Variants in NDST2 observed in about 807,000 individuals in gnomAD.
The protein encoded by NDST2 is bifunctional heparan sulfate N-deacetylase/N-sulfotransferase 2.
Under a neutral mutation model 86.9 loss-of-function variants are expected in NDST2, and 32 were observed. The observed-to-expected ratio is 0.37, with a 90% CI of 0.28 to 0.49. The LOEUF is 0.49. Ranked by LOEUF, NDST2 falls within the 20% of genes least tolerant of loss-of-function variation. The probability of loss-of-function intolerance (pLI) is 0.97; values close to 1 mark genes in which losing one functional copy is unlikely to be tolerated. For synonymous variants in NDST2, 409 were observed against 437.0 expected (o/e 0.94, Z 0.80); for missense variants, 950 against 1,146.9 (o/e 0.83, Z 2.48).
chr10:73,811,188 G>A (rs1172883609), intron 1 of NDST2, among the ~76,000 whole-genome samples: 1 of 152,106 alleles, frequency 6.6e-6, no homozygotes, highest in South Asian at 2.1e-4. Flanking sequence ...CGCACCGGAT[G>A]TGGGACACCA....
intron 9 of NDST2, among the ~76,000 whole-genome samples, chr10:73,804,280 C>G (rs1043165017): frequency 1.3e-5 from 2 of 152,148 alleles, no homozygotes; most frequent in Non-Finnish European, 2.9e-5. Context: ...GGTTAGGAAT[C>G]ACTGCCTCAA....
rs2084003752 is a variant in NDST2 at position 73,802,472 on chromosome 10, C to T, written c.2631G>A (p.Leu877=). 2.5e-6 allele frequency: 4 copies of T among 1,613,290 alleles called. No homozygotes were observed. Among genetic ancestry groups the T allele is most frequent in the South Asian group, 1.1e-5 (1 of 91,044 alleles). The change falls in exon 15 of 15, where the codon CTG becomes CTA. Residue 877 remains leucine (L), a synonymous_variant. Coordinates refer to ENST00000309979, the MANE Select transcript of NDST2 (RefSeq NM_003635.4). ...QPVPSWLREE[L]QHSSLG Reference sequence around the variant, plus strand: ...GACATCAGCCCAGACTGGAATGCTGCAGTTCTTCCCGAAGCCACGAGGGCA... The same window carrying T: ...GACATCAGCCCAGACTGGAATGCTGTAGTTCTTCCCGAAGCCACGAGGGCA...
At position 73,808,455 on chromosome 10, in the gene NDST2, G is replaced by C. The variant is rs1037295683; in HGVS notation, c.-67C>G. The stretch of plus-strand genomic sequence containing the variant: ...GGGATGGGAGGTAGGAGTTCTATAG[G>C]CTAGGACTGTCTTGGAAGGGTAGAA... On this transcript the variant is annotated 5_prime_UTR_variant, in exon 3 of 15. Coordinates refer to ENST00000309979, the MANE Select transcript of NDST2 (RefSeq NM_003635.4). The surrounding 1 kb of genome is among the most constrained non-coding windows in gnomAD (Gnocchi z 4.3). 1 of 1,428,488 alleles carries C rather than the reference G, an allele frequency of 7.0e-7. No individual in the cohort carries two copies. The highest frequency in any genetic ancestry group is 1.4e-5 in the African/African-American group (1 of 70,046). 88.5% of individuals were successfully genotyped at this position (1,428,488 alleles called of 1,614,324 possible). A position where few individuals can be genotyped will look rare whatever the true frequency, so the allele number is the denominator to read the frequency against.
rs971586374 is a variant in NDST2 at position 73,806,101 on chromosome 10, T to C, written c.1435-73A>G. ...AGTAGATGGAGGACACTGGGATTTA[T>C]AGAGGACTGAGTCTGAAGTTATAGC... is the stretch of plus-strand genomic sequence containing the variant. On this transcript the variant is annotated intron_variant, in intron 6 of 14. Transcript: ENST00000309979. This position sits in a 1 kb window ranked among gnomAD's most constrained non-coding sequence, Gnocchi z 4.5. The C allele has an allele frequency of 1.9e-6, 3 of 1,582,092 alleles. No homozygotes were observed. The highest frequency in any genetic ancestry group is 2.2e-5 in the East Asian group (1 of 44,686).
intron 1 of NDST2, 114 bp from the exon 2 acceptor site, chr10:73,811,017 A>C: frequency 2.5e-6 from 1 of 394,344 alleles, no homozygotes; most frequent in Non-Finnish European, 4.5e-6. Flanking sequence ...GAGATCTCTG[A>C]GGACGGCGAA....
intron 3 of NDST2, 77 bp from the exon 4 acceptor site, chr10:73,807,272 T>C (rs2084119760): frequency 2.6e-6 from 4 of 1,566,308 alleles, no homozygotes; most frequent in Non-Finnish European, 3.5e-6. Context: ...GCATTCTTCC[T>C]GCCTGGAAAG....
At position 73,806,913 on chromosome 10, in the gene NDST2, G is replaced by C; in HGVS notation, c.1094-102C>G. On this transcript the variant is annotated intron_variant, in intron 4 of 14. Transcript: ENST00000309979. This position sits in a 1 kb window ranked among gnomAD's most constrained non-coding sequence, Gnocchi z 4.5. The stretch of plus-strand genomic sequence containing the variant: ...CCTTCCATCCCTGATCCTTGCCTAA[G>C]ACTTTCTATTTGCCCCACTGCCAAC... 6.4e-7 allele frequency: 1 copy of C among 1,559,410 alleles called. No individual in the cohort carries two copies. The highest frequency in any genetic ancestry group is 8.7e-7 in the Non-Finnish European group (1 of 1,146,524).
At chr10:73,810,515 C>T (rs1020832965) in intron 2 of NDST2, among the ~76,000 whole-genome samples, 1 of 151,896 alleles carries the variant, frequency 6.6e-6, no homozygotes, top group African/African-American at 2.4e-5. Flanking sequence ...CTAGGTAAAA[C>T]GACACGAGAA....
Position 73,806,517 on chromosome 10 carries a change from G to C in NDST2, c.1249-43C>G, listed in dbSNP as rs367705484. ...TCTCACCAGGACCTGGTGAGGTTTG[G>C]GGAGTAGAGGGTAAAGAGGGTGGGG... On this transcript the variant is annotated intron_variant, in intron 5 of 14. Transcript: ENST00000309979. The surrounding 1 kb of genome is among the most constrained non-coding windows in gnomAD (Gnocchi z 4.5). 7 of 1,554,330 alleles carry C rather than the reference G, an allele frequency of 4.5e-6. No individual in the cohort carries two copies. The highest frequency in any genetic ancestry group is 6.1e-6 in the Non-Finnish European group (7 of 1,146,854).
In NDST2 at chr10:73,803,846, G is replaced by A. The variant is rs767493355; in HGVS notation, c.1967+47C>T. ...GAAGCTGGAATGGGGTATTTTGGGG[G>A]AAGGGAGTGTTCCTCTGAGAAACAT... is the stretch of plus-strand genomic sequence containing the variant. On this transcript the variant is annotated intron_variant, in intron 10 of 14. Coordinates refer to ENST00000309979, the MANE Select transcript of NDST2 (RefSeq NM_003635.4). 9.9e-6 allele frequency: 16 copies of A among 1,613,916 alleles called. No individual in the cohort carries two copies. The South Asian group carries it at 1.4e-4, about 14-fold the overall frequency.
rs370600051 is a variant in NDST2 at position 73,802,498 on chromosome 10, C to T, written c.2605G>A (p.Val869Met). 2.6e-5 allele frequency: 42 copies of T among 1,613,840 alleles called. No individual in the cohort carries two copies. The highest frequency in any genetic ancestry group is 3.5e-5 in the Non-Finnish European group (41 of 1,180,048). The change falls in exon 15 of 15, where the codon GTG becomes ATG. Residue 869 changes from valine (V) to methionine (M), a missense_variant. By Grantham distance (21) the Val-to-Met change is conservative. This residue lies in a region of NDST2 where 303 missense variants were observed against 323.7 expected (regional missense o/e 0.94). Coordinates refer to ENST00000309979, the MANE Select transcript of NDST2 (RefSeq NM_003635.4). ...AGTTCTTCCCGAAGCCACGAGGGCA[C>T]TGGCTGTCCAAGCCGGCTCAGCAGC... The part of the protein sequence containing the change: ...SKLLSRLGQP[V>M]PSWLREELQH...
Position 73,808,986 on chromosome 10 carries a change from A to C in NDST2, c.-341-257T>G, listed in dbSNP as rs905412328. The C allele has an allele frequency of 6.6e-6, 1 of 151,532 alleles. No individual in the cohort carries two copies. The highest frequency in any genetic ancestry group is 1.5e-5 in the Non-Finnish European group (1 of 68,110). The allele number at this position is 151,532 out of a possible 1,614,324, so 9.4% of individuals were successfully genotyped here. A position where few individuals can be genotyped will look rare whatever the true frequency, so the allele number is the denominator to read the frequency against. On this transcript the variant is annotated intron_variant, in intron 2 of 14. Transcript: ENST00000309979. This position sits in a 1 kb window ranked among gnomAD's most constrained non-coding sequence, Gnocchi z 4.3. ...TCTAAGCAAAGCTCAGAGATGGAGC[A>C]GTATATGCAAATGATAGGAACAAAT...
intron 2 of NDST2, among the ~76,000 whole-genome samples, chr10:73,809,644 C>T (rs1277056818): frequency 6.6e-6 from 1 of 152,156 alleles, no homozygotes; most frequent in Non-Finnish European, 1.5e-5. Flanking sequence ...TGACAGAGAG[C>T]AACAGGAGCT....
At position 73,807,124 on chromosome 10, in the gene NDST2, G is replaced by T. The variant is rs747343580; in HGVS notation, c.1077C>A (p.Gly359=). 51 of 1,613,880 alleles carry T rather than the reference G, an allele frequency of 3.2e-5. No homozygotes were observed. Among genetic ancestry groups the T allele is most frequent in the Admixed American group, 6.7e-5 (4 of 59,984 alleles). Residue 359 remains glycine, a synonymous_variant, in exon 4 of 15, where the codon GGC becomes GGA. Coordinates refer to ENST00000309979, the MANE Select transcript of NDST2 (RefSeq NM_003635.4). ...PNFTFNLGFS[G]KFYHTGTEEE... Reference sequence around the variant, plus strand: ...TAAGCTCACCAGTATGATAGAACTTGCCCGAGAAGCCCAAGTTGAAGGTGA... The same window carrying T: ...TAAGCTCACCAGTATGATAGAACTTTCCCGAGAAGCCCAAGTTGAAGGTGA...
chr10:73,807,304 A>T, intron 3 of NDST2, 80 bp downstream of exon 3: 1 of 1,581,290 alleles, frequency 6.3e-7, no homozygotes, highest in Non-Finnish European at 8.7e-7. Context: ...ACCTATGACA[A>T]GCTCAGAATC....
At position 73,807,571 on chromosome 10, in the gene NDST2, T is replaced by C. The variant is rs759215893; in HGVS notation, c.818A>G (p.Asp273Gly). ...PTVVQDLGLH[D>G]GIQRVLFGHG... is the part of the protein sequence containing the mutation. Reference sequence around the variant, plus strand: ...TCCAAAGAGCACCCGCTGGATGCCATCATGAAGCCCCAGGTCCTGTACCAC... The same window carrying C: ...TCCAAAGAGCACCCGCTGGATGCCACCATGAAGCCCCAGGTCCTGTACCAC... Residue 273 changes from aspartate (D) to glycine (G), a missense_variant, in exon 3 of 15, where the codon GAT (aspartate) becomes GGT (glycine). By Grantham distance (94) the Asp-to-Gly change is moderately conservative. Transcript: ENST00000309979. The C allele has an allele frequency of 6.2e-7, 1 of 1,614,120 alleles. No homozygotes were observed. Among genetic ancestry groups the C allele is most frequent in the Non-Finnish European group, 8.5e-7 (1 of 1,180,010 alleles).
rs1013395679 is a variant in NDST2 at position 73,810,825 on chromosome 10, G to A, written c.-368C>T. Reference sequence around the variant, plus strand: ...TTGCCCAGGATCACACAGCTCAGTTGGTGGGAGGGCTGGGATTCGACGTCA... The same window carrying A: ...TTGCCCAGGATCACACAGCTCAGTTAGTGGGAGGGCTGGGATTCGACGTCA... On this transcript the variant is annotated 5_prime_UTR_variant, in exon 2 of 15. Coordinates refer to ENST00000309979, the MANE Select transcript of NDST2 (RefSeq NM_003635.4). The A allele has an allele frequency of 1.3e-5, 5 of 399,020 alleles. No individual in the cohort carries two copies. The highest frequency in any genetic ancestry group is 2.2e-5 in the Non-Finnish European group (5 of 226,100). 24.7% of individuals were successfully genotyped at this position (399,020 alleles called of 1,614,324 possible).
rs537425911 is a variant in NDST2, at chr10:73,807,883, A to G, written c.506T>C (p.Ile169Thr). The change falls in exon 3 of 15, where the codon ATT (isoleucine) becomes ACT (threonine). Residue 169 changes from isoleucine to threonine, a missense_variant. This residue lies in a region of NDST2 where 586 missense variants were observed against 714.0 expected (regional missense o/e 0.82). Coordinates refer to ENST00000309979, the MANE Select transcript of NDST2 (RefSeq NM_003635.4). Reference protein sequence around the residue: ...RYCVEYGVGIIGFFRAHEHSL... With the variant: ...RYCVEYGVGITGFFRAHEHSL... ...GTGCTCGTGGGCTCGGAAAAAGCCA[A>G]TGATGCCCACACCATACTCCACGCA... 10 of 1,614,140 alleles carry G rather than the reference A, an allele frequency of 6.2e-6. No individual in the cohort carries two copies. The highest frequency in any genetic ancestry group is 2.2e-5 in the East Asian group (1 of 44,890).
chr10:73,802,274 T>C lies in NDST2; in HGVS notation c.*177A>G, dbSNP rs1437543207. 7.5e-6 allele frequency: 5 copies of C among 667,672 alleles called. No homozygotes were observed. In the East Asian group the frequency reaches 1.1e-4, roughly 15 times the overall value. The allele number at this position is 667,672 out of a possible 1,614,324, so 41.4% of individuals were successfully genotyped here. A position where few individuals can be genotyped will look rare whatever the true frequency, so the allele number is the denominator to read the frequency against. On this transcript the variant is annotated 3_prime_UTR_variant, in exon 15 of 15. Transcript: ENST00000309979. ...TGTGGGGTACCAAAGGAAGCCCCTT[T>C]ATTTGTCCCAGAACTGTGGGAAAAG...
Sources: gnomAD v4.1 joint callset for allele counts (sites outside exome capture counted in the v4.1 genomes callset) on GRCh38, gnomAD v4.1.1 for gene constraint, gnomAD v4.1.1 regional missense constraint, Gnocchi (gnomAD v3.1) non-coding constraint, MANE v1.5 for transcripts, NCBI Gene and HGNC (gene_info 2026-07-23, HGNC 2026-07-21) for gene names.